ABCC8: variants seen among roughly 807,000 people sequenced by gnomAD.
ABCC8 encodes the protein ATP binding cassette subfamily C member 8, also known as ATP-binding cassette sub-family C member 8.
In ABCC8, 137 loss-of-function variants were observed where a neutral mutation model predicts 188.0. The observed-to-expected ratio is 0.73, with a 90% confidence interval of 0.63 to 0.84. The LOEUF is 0.84. ABCC8 is among the 40% of genes least tolerant of loss of function. The probability of loss-of-function intolerance (pLI) is 0.00; values close to 1 mark genes in which losing one functional copy is unlikely to be tolerated. For missense variants in ABCC8, 1,750 were observed against 2,072.7 expected (o/e 0.84, Z 3.02); for synonymous variants, 797 against 846.5 (o/e 0.94, Z 1.01).
chr11:17,397,820 C>G, intron 30 of ABCC8, 23 bp from the exon 31 acceptor site: 1 of 1,612,794 alleles, frequency 6.2e-7, no homozygotes, highest in Non-Finnish European at 8.5e-7. Flanking sequence ...AGGAGCTGAC[C>G]TGGGCGCTCA....
chr11:17,418,772 T>G (rs1955198461), intron 16 of ABCC8, among the ~76,000 whole-genome samples: 1 of 152,236 alleles, frequency 6.6e-6, no homozygotes, highest in Non-Finnish European at 1.5e-5. Context: ...CCGTGTAATT[T>G]GTTCATCCCC....
In ABCC8 at chr11:17,413,513, A is replaced by G; in HGVS notation, c.2391-35T>C. The G allele has an allele frequency of 1.9e-6, 3 of 1,612,936 alleles. No homozygotes were observed. In the South Asian group the frequency reaches 3.3e-5, roughly 18 times the overall value. On this transcript the variant is annotated intron_variant, in intron 19 of 38. Coordinates refer to ENST00000389817, the MANE Select transcript of ABCC8 (RefSeq NM_000352.6). ...GTAGAGGCAGGGGATGCAGCTGGTC[A>G]GCCTGGTCAGAGTTGGCCCGAGCAC...
chr11:17,420,513 CA>C (rs1397252974), intron 16 of ABCC8, among the ~76,000 whole-genome samples: 1 of 152,194 alleles, frequency 6.6e-6, no homozygotes, highest in Non-Finnish European at 1.5e-5. Context: ...CCCCTGACTT[CA>C]GCTCCCCAAA....
intron 6 of ABCC8, among the ~76,000 whole-genome samples, chr11:17,457,894 G>A (rs903651434): frequency 7.2e-5 from 11 of 152,228 alleles, no homozygotes; most frequent in Admixed American, 5.2e-4. Flanking sequence ...CAGAAAAAAC[G>A]GCTTCCTCTC....
intron 3 of ABCC8, among the ~76,000 whole-genome samples, chr11:17,469,344 C>A (rs151092930): frequency 1.9e-4 from 29 of 151,940 alleles, no homozygotes; most frequent in South Asian, 4.1e-4. Flanking sequence ...CCGCCCACCT[C>A]GGCCTCCCAA....
chr11:17,448,650 T>C lies in ABCC8; in HGVS notation c.1198A>G (p.Met400Val). Residue 400 changes from methionine to valine, a missense_variant, in exon 8 of 39, where the codon ATG becomes GTG. Coordinates refer to ENST00000389817, the MANE Select transcript of ABCC8 (RefSeq NM_000352.6). ...GACAGGTTGGAGGTGGACAGGTGCA[T>C]AATTTTATTGTAAATCTTGGTCTAG... ...AIQTKIYNKI[M>V]HLSTSNLSMG... 2 of 1,614,198 alleles carry C rather than the reference T, an allele frequency of 1.2e-6. No homozygotes were observed. Among genetic ancestry groups the C allele is most frequent in the Non-Finnish European group, 1.7e-6 (2 of 1,180,028 alleles).
Position 17,426,940 on chromosome 11 carries a change from T to C in ABCC8, c.2222+109A>G, listed in dbSNP as rs187328594. On this transcript the variant is annotated intron_variant, in intron 16 of 38. Coordinates refer to ENST00000389817, the MANE Select transcript of ABCC8 (RefSeq NM_000352.6). Reference sequence around the variant, plus strand: ...TCCATTAGCAGCATTTATTGAGTCCTCACTGAACACAGAGTGGGCCCTCCA... The same window carrying C: ...TCCATTAGCAGCATTTATTGAGTCCCCACTGAACACAGAGTGGGCCCTCCA... The C allele has an allele frequency of 7.8e-4, 1,005 of 1,281,016 alleles. 5 individuals are homozygous for C. Among genetic ancestry groups the C allele is most frequent in the Middle Eastern group, 6.6e-3 (35 of 5,286 alleles). The allele number at this position is 1,281,016 out of a possible 1,614,324, so 79.4% of individuals were successfully genotyped here. A position where few individuals can be genotyped will look rare whatever the true frequency, so the allele number is the denominator to read the frequency against.
chr11:17,397,308 G>A lies in ABCC8; in HGVS notation c.3873C>T (p.Ser1291=). The part of the protein sequence containing the change: ...GLGLTYALMV[S]NYLNWMVRNL... ...TCCTCACCATCCAGTTGAGGTAGTT[G>A]GAGACCTGTGGGGAGCAAGCCAGTG... The change falls in exon 32 of 39, where the codon TCC becomes TCT. Residue 1291 remains serine, a synonymous_variant. Coordinates refer to ENST00000389817, the MANE Select transcript of ABCC8 (RefSeq NM_000352.6). 1.9e-6 allele frequency: 3 copies of A among 1,611,354 alleles called. No individual in the cohort carries two copies. The highest frequency in any genetic ancestry group is 2.5e-6 in the Non-Finnish European group (3 of 1,179,990).
chr11:17,426,966 A>G (rs546038500), intron 16 of ABCC8, 83 bp downstream of exon 16: 3 of 1,515,958 alleles, frequency 2.0e-6, no homozygotes, highest in African/African-American at 1.4e-5. Context: ...GGGCCCTCCA[A>G]TAAATGTGTG....
chr11:17,399,275 C>CAAAAAA lies in ABCC8; in HGVS notation c.3651-840_3651-835dup, dbSNP rs57138230. 3.1e-4 allele frequency among the ~76,000 whole-genome samples: 18 copies of CAAAAAA among 58,540 alleles called. 1 individual carries two copies. Among genetic ancestry groups the CAAAAAA allele is most frequent in the Non-Finnish European group, 3.7e-4 (13 of 35,272 alleles). The allele number at this position is 58,540 out of a possible 152,430, so 38.4% of individuals were successfully genotyped here. On this transcript the variant is annotated intron_variant, in intron 29 of 38. Coordinates refer to ENST00000389817, the MANE Select transcript of ABCC8 (RefSeq NM_000352.6). ...TGGGTGACAAAGTGAGACTCTGCCT[C>CAAAAAA]AAAAAAAAAAAAAAAAAAAAAAAAA...
chr11:17,420,139 A>G (rs935827025), intron 16 of ABCC8, among the ~76,000 whole-genome samples: 1 of 152,220 alleles, frequency 6.6e-6, no homozygotes, highest in African/African-American at 2.4e-5. Flanking sequence ...CTGAGGTTCA[A>G]AGAGTGAGCT....
chr11:17,425,448 TC>T (rs752087041), intron 16 of ABCC8, among the ~76,000 whole-genome samples: 3 of 152,176 alleles, frequency 2.0e-5, no homozygotes, highest in Non-Finnish European at 4.4e-5. Flanking sequence ...TCAATAATTT[TC>T]CCCTAGAAAT....
chr11:17,408,584 T>C (rs1050847284), intron 22 of ABCC8, 67 bp from the exon 23 acceptor site: 3 of 1,568,450 alleles, frequency 1.9e-6, no homozygotes, highest in African/African-American at 2.7e-5. Flanking sequence ...CATCCCTCAA[T>C]TGTGGAGTCT....
At chr11:17,403,488 C>G (rs572408224) in intron 28 of ABCC8, among the ~76,000 whole-genome samples, 1 of 152,092 alleles carries the variant, frequency 6.6e-6, no homozygotes, top group Non-Finnish European at 1.5e-5. Context: ...CTATGTTGTT[C>G]GTGTGGGTGT....
intron 16 of ABCC8, among the ~76,000 whole-genome samples, chr11:17,424,361 C>T (rs776933448): frequency 6.6e-5 from 10 of 152,314 alleles, no homozygotes; most frequent in Non-Finnish European, 7.4e-5. Context: ...GCTTAGGGTC[C>T]TCTGCCTTGG....
chr11:17,419,516 A>G (rs893775451), intron 16 of ABCC8, among the ~76,000 whole-genome samples: 4 of 152,394 alleles, frequency 2.6e-5, no homozygotes, highest in Admixed American at 6.5e-5. Context: ...ATGCAAATGC[A>G]TAAAGAAAAA....
At chr11:17,439,214 T>G (rs957037937) in intron 10 of ABCC8, among the ~76,000 whole-genome samples, 1 of 149,820 alleles carries the variant, frequency 6.7e-6, no homozygotes, top group African/African-American at 2.6e-5. Context: ...CCAGAGAAAC[T>G]GTGCCCATTC....
chr11:17,401,562 C>G (rs1954245169), intron 29 of ABCC8, among the ~76,000 whole-genome samples: 1 of 152,144 alleles, frequency 6.6e-6, no homozygotes, highest in African/African-American at 2.4e-5. Flanking sequence ...TCCTTGTGCC[C>G]TATGGTTACT....
chr11:17,396,803 G>C, intron 33 of ABCC8, 113 bp downstream of exon 33: 1 of 1,353,354 alleles, frequency 7.4e-7, no homozygotes, highest in Non-Finnish European at 1.0e-6. Context: ...TGAATAGTGA[G>C]AGGCCTCGGC....
Sources: gnomAD v4.1 joint callset for allele counts (sites outside exome capture counted in the v4.1 genomes callset) on GRCh38, gnomAD v4.1.1 for gene constraint, MANE v1.5 for transcripts, NCBI Gene and HGNC (gene_info 2026-07-23, HGNC 2026-07-21) for gene names.